KCNB2: variants seen among roughly 807,000 people sequenced by gnomAD.
The protein encoded by KCNB2 is potassium voltage-gated channel subfamily B member 2, also known as delayed rectifier potassium channel protein.
In KCNB2, 15 loss-of-function variants were observed where a neutral mutation model predicts 61.5. That is an observed-to-expected ratio of 0.24 (90% CI 0.16 to 0.38). KCNB2 has a LOEUF of 0.38. Ranked by LOEUF, KCNB2 falls within the 10% of genes least tolerant of loss-of-function variation. The pLI is 1.00. For synonymous variants in KCNB2, 457 were observed against 446.0 expected (o/e 1.02, Z -0.31); for missense variants, 828 against 1,125.2 (o/e 0.74, Z 3.78).
At chr8:72,870,963 T>A (rs576213846) in intron 2 of KCNB2, among the ~76,000 whole-genome samples, 62 of 151,996 alleles carry the variant, frequency 4.1e-4, no homozygotes, top group Non-Finnish European at 7.5e-4. Context: ...AGTGACAGAG[T>A]AAGACCTTTT....
At chr8:72,764,313 G>A (rs1808430127) in intron 2 of KCNB2, among the ~76,000 whole-genome samples, 1 of 152,158 alleles carries the variant, frequency 6.6e-6, no homozygotes. Flanking sequence ...CAGAATGAGG[G>A]CCTGCAGAAG....
chr8:72,762,367 C>T (rs1223502984), intron 2 of KCNB2, among the ~76,000 whole-genome samples: 1 of 152,172 alleles, frequency 6.6e-6, no homozygotes, highest in African/African-American at 2.4e-5. Context: ...GACAAATTGC[C>T]TTAATATTGC....
At chr8:72,806,485 A>G (rs749979869) in intron 2 of KCNB2, among the ~76,000 whole-genome samples, 1 of 151,740 alleles carries the variant, frequency 6.6e-6, no homozygotes, top group Non-Finnish European at 1.5e-5. Flanking sequence ...GCACATGCCT[A>G]TAGTCCCAGG....
At chr8:72,934,818 T>A (rs1806868416) in intron 2 of KCNB2, among the ~76,000 whole-genome samples, 1 of 151,882 alleles carries the variant, frequency 6.6e-6, no homozygotes, top group Admixed American at 6.6e-5. Context: ...AAGAAGCACT[T>A]CCTTTGCCTT....
intron 2 of KCNB2, among the ~76,000 whole-genome samples, chr8:72,815,915 A>C (rs1312377798): frequency 6.6e-6 from 1 of 152,192 alleles, no homozygotes; most frequent in Non-Finnish European, 1.5e-5. Context: ...AAATGGTGAC[A>C]TAATATAAAA....
intron 2 of KCNB2, among the ~76,000 whole-genome samples, chr8:72,723,569 A>G (rs1279475461): frequency 6.6e-6 from 1 of 151,654 alleles, no homozygotes; most frequent in African/African-American, 2.4e-5. Context: ...TGTGTCCCAC[A>G]CTCCCACTCC....
chr8:72,634,127 A>T (rs2128985201), intron 2 of KCNB2, among the ~76,000 whole-genome samples: 1 of 152,358 alleles, frequency 6.6e-6, no homozygotes, highest in South Asian at 2.1e-4. Flanking sequence ...AATTCCTTAC[A>T]TTTGATCCAA....
rs1247675972 is a variant in KCNB2 at position 72,862,643 on chromosome 8, G to A, written c.580-73292G>A. Among the ~76,000 whole-genome samples, 3 of 152,240 alleles carry A rather than the reference G, an allele frequency of 2.0e-5. No homozygotes were observed. In the East Asian group the frequency reaches 5.8e-4, roughly 29 times the overall value. On this transcript the variant is annotated intron_variant, in intron 2 of 2. Transcript: ENST00000523207. ...CAGTTTCCTCACCTATGAAAAGGGG[G>A]ATTCAATAATAGCTGGCACTCAGTA...
intron 2 of KCNB2, among the ~76,000 whole-genome samples, chr8:72,595,206 T>G (rs79659803): frequency 6.6e-6 from 1 of 151,940 alleles, no homozygotes; most frequent in South Asian, 2.1e-4. Context: ...CATTTCCCAC[T>G]CTGTTCCAGC....
rs1214772486 is a variant in KCNB2 at position 72,588,289 on chromosome 8, G to A, written c.579+19976G>A. Among the ~76,000 whole-genome samples, 3 of 149,680 alleles carry A rather than the reference G, an allele frequency of 2.0e-5. No homozygotes were observed. The East Asian group carries it at 5.9e-4, about 29-fold the overall frequency. ...GCTGGAGTGCAATGGCGTGATCTTGGCTCACCGCATCCTCCCCATCCCAGG... is the reference window on the plus strand; with the variant it reads ...GCTGGAGTGCAATGGCGTGATCTTGACTCACCGCATCCTCCCCATCCCAGG... On this transcript the variant is annotated intron_variant, in intron 2 of 2. Coordinates refer to ENST00000523207, the MANE Select transcript of KCNB2 (RefSeq NM_004770.3).
chr8:72,815,253 G>T (rs1264371057), intron 2 of KCNB2, among the ~76,000 whole-genome samples: 1 of 152,048 alleles, frequency 6.6e-6, no homozygotes, highest in Non-Finnish European at 1.5e-5. Flanking sequence ...TTCTGAAACG[G>T]TTTCTGGGAA....
chr8:72,924,690 A>G (rs1806600408), intron 2 of KCNB2, among the ~76,000 whole-genome samples: 1 of 152,212 alleles, frequency 6.6e-6, no homozygotes, highest in Non-Finnish European at 1.5e-5. Context: ...TCAGTCTCTA[A>G]TAAATACAGA....
chr8:72,699,332 C>A (rs1807074764), intron 2 of KCNB2, among the ~76,000 whole-genome samples: 1 of 152,008 alleles, frequency 6.6e-6, no homozygotes, highest in Non-Finnish European at 1.5e-5. Flanking sequence ...ATTTGCATTT[C>A]TCTAATGATC....
intron 2 of KCNB2, among the ~76,000 whole-genome samples, chr8:72,732,294 A>G (rs1807759222): frequency 6.6e-6 from 1 of 152,198 alleles, no homozygotes; most frequent in South Asian, 2.1e-4. Context: ...TGTGAGCACT[A>G]CAGTTTATCG....
intron 2 of KCNB2, among the ~76,000 whole-genome samples, chr8:72,836,190 T>G (rs879537856): frequency 2.0e-5 from 3 of 152,242 alleles, no homozygotes; most frequent in Non-Finnish European, 2.9e-5. Context: ...AAAGGTTCAC[T>G]GCAGAGATGT....
At chr8:72,581,123 C>T (rs957414926) in intron 2 of KCNB2, among the ~76,000 whole-genome samples, 6 of 152,188 alleles carry the variant, frequency 3.9e-5, no homozygotes, top group Admixed American at 3.3e-4. Context: ...AGTATTTCCA[C>T]ATGGCTATAT....
At chr8:72,922,676 A>G (rs748528628) in intron 2 of KCNB2, among the ~76,000 whole-genome samples, 2 of 152,130 alleles carry the variant, frequency 1.3e-5, no homozygotes, top group Non-Finnish European at 2.9e-5. Flanking sequence ...AAAAGGCCCC[A>G]CCTCTTAGTA....
At chr8:72,857,710 A>G (rs1810229248) in intron 2 of KCNB2, among the ~76,000 whole-genome samples, 1 of 152,204 alleles carries the variant, frequency 6.6e-6, no homozygotes, top group African/African-American at 2.4e-5. Flanking sequence ...CATTAAACAC[A>G]ATAGATCAAA....
At chr8:72,781,210 T>TTA (rs1808748491) in intron 2 of KCNB2, among the ~76,000 whole-genome samples, 1 of 152,218 alleles carries the variant, frequency 6.6e-6, no homozygotes, top group Non-Finnish European at 1.5e-5. Context: ...GCAGGAGCTC[T>TTA]TTAGTTTAAT....
Sources: allele counts gnomAD v4.1 joint callset (sites outside exome capture counted in the v4.1 genomes callset), GRCh38; gene constraint gnomAD v4.1.1; transcripts MANE v1.5; gene names NCBI Gene and HGNC (gene_info 2026-07-23, HGNC 2026-07-21).